The following PAPOLG variants were observed in gnomAD, a reference collection of about 807,000 sequenced individuals.
PAPOLG encodes the protein PAP-gamma.
Under a neutral mutation model 99.0 loss-of-function variants are expected in PAPOLG, and 40 were observed. The observed-to-expected ratio is 0.40, with a 90% CI of 0.31 to 0.53. PAPOLG has a LOEUF of 0.53. Among genes scored for constraint, PAPOLG ranks in the 20% least tolerant of loss-of-function variants. The pLI is 0.41. For missense variants in PAPOLG, 675 were observed against 884.1 expected (o/e 0.76, Z 3.00); for synonymous variants, 310 against 299.3 (o/e 1.04, Z -0.37).
intron 3 of PAPOLG, among the ~76,000 whole-genome samples, chr2:60,764,607 A>G (rs377705279): frequency 6.6e-6 from 1 of 151,214 alleles, no homozygotes; most frequent in Non-Finnish European, 1.5e-5. Flanking sequence ...TGTATTTTTG[A>G]TAGAGACGGG....
rs1671767159 is a variant in PAPOLG at position 60,798,136 on chromosome 2, C to A, written c.*976C>A. ...TTTACCCCACAACTTCAAATAGTTT[C>A]TTCACGGACTAGGCATGCAGAAATA... On this transcript the variant is annotated 3_prime_UTR_variant, in exon 22 of 22. Coordinates refer to ENST00000238714, the MANE Select transcript of PAPOLG (RefSeq NM_022894.4). 6.5e-6 allele frequency: 1 copy of A among 152,748 alleles called. No homozygotes were observed. Among genetic ancestry groups the A allele is most frequent in the Admixed American group, 6.5e-5 (1 of 15,272 alleles). 9.5% of individuals were successfully genotyped at this position (152,748 alleles called of 1,614,324 possible).
intron 7 of PAPOLG, among the ~76,000 whole-genome samples, chr2:60,772,289 A>G (rs1259186826): frequency 1.3e-5 from 2 of 152,146 alleles, no homozygotes; most frequent in Non-Finnish European, 2.9e-5. Context: ...TACCAAAAAT[A>G]AAAAACATTT....
intron 1 of PAPOLG, among the ~76,000 whole-genome samples, chr2:60,757,639 T>G (rs1446789424): frequency 1.3e-5 from 2 of 152,228 alleles, no homozygotes; most frequent in Non-Finnish European, 2.9e-5. Context: ...TTGTATTGTA[T>G]TCTATTGTAG....
In PAPOLG at chr2:60,756,346, C is replaced by T. The variant is rs764291872; in HGVS notation, c.-133C>T. The T allele has an allele frequency of 1.8e-5, 20 of 1,122,850 alleles. No individual in the cohort carries two copies. Among genetic ancestry groups the T allele is most frequent in the Non-Finnish European group, 2.6e-5 (19 of 740,974 alleles). The allele number at this position is 1,122,850 out of a possible 1,614,324, so 69.6% of individuals were successfully genotyped here. A position where few individuals can be genotyped will look rare whatever the true frequency, so the allele number is the denominator to read the frequency against. On this transcript the variant is annotated 5_prime_UTR_variant, in exon 1 of 22. Transcript: ENST00000238714. ...TCACTACTCGGTTGGATGCCTCAGCCATAGTAAGTGGGAAAGTGAGCGAGC... is the reference window on the plus strand; with the variant it reads ...TCACTACTCGGTTGGATGCCTCAGCTATAGTAAGTGGGAAAGTGAGCGAGC...
intron 5 of PAPOLG, among the ~76,000 whole-genome samples, chr2:60,770,119 G>A (rs1183344453): frequency 1.3e-5 from 2 of 152,294 alleles, no homozygotes; most frequent in South Asian, 2.1e-4. Flanking sequence ...GGCTGCAGAC[G>A]ATAGCAGTTT....
chr2:60,791,753 T>C lies in PAPOLG; in HGVS notation c.1397-8T>C. On this transcript the variant is annotated splice_polypyrimidine_tract_variant and splice_region_variant and intron_variant, in intron 15 of 21. Transcript: ENST00000238714. The stretch of plus-strand genomic sequence containing the variant: ...AGTTTCCCATTTAACATATTAACAT[T>C]GTTACAGTGTACAGACAGGCAAACA... 6.3e-7 allele frequency: 1 copy of C among 1,596,138 alleles called. No homozygotes were observed. The highest frequency in any genetic ancestry group is 8.5e-7 in the Non-Finnish European group (1 of 1,175,558).
At chr2:60,756,591 C>A in intron 1 of PAPOLG, 96 bp downstream of exon 1, 1 of 1,302,088 alleles carries the variant, frequency 7.7e-7, no homozygotes, top group Non-Finnish European at 1.0e-6. Context: ...CCCTTGCGCC[C>A]TGCACGCAGC....
rs369141670 is a variant in PAPOLG, at chr2:60,757,626, TTATTG to T, written c.17+1141_17+1145del. ...TTTAGTTGTAATTAATTAATATTAA[TTATTG>T]TATTGTATTCTATTGTAGGAAAACA... On this transcript the variant is annotated intron_variant, in intron 1 of 21. Transcript: ENST00000238714. Among the ~76,000 whole-genome samples, 495 of 152,318 alleles carry T rather than the reference TTATTG, an allele frequency of 3.2e-3. 2 individuals are homozygous for T. The highest frequency in any genetic ancestry group is 0.014 in the Middle Eastern group (4 of 294).
intron 6 of PAPOLG, 115 bp downstream of exon 6, chr2:60,770,626 T>C (rs1670823206): frequency 3.1e-6 from 2 of 641,282 alleles, no homozygotes; most frequent in African/African-American, 1.9e-5. Flanking sequence ...TAATCTCTTT[T>C]TTTTTTTTTA....
chr2:60,764,599 T>C (rs1670618679), intron 3 of PAPOLG, among the ~76,000 whole-genome samples: 1 of 151,788 alleles, frequency 6.6e-6, no homozygotes, highest in African/African-American at 2.4e-5. Context: ...CTAATTTTTG[T>C]ATTTTTGATA....
chr2:60,791,822 T>A lies in PAPOLG; in HGVS notation c.1458T>A (p.His486Gln). Residue 486 changes from histidine (H) to glutamine (Q), a missense_variant, in exon 16 of 22, where the codon CAT becomes CAA. Physicochemically the swap from His to Gln is conservative, Grantham distance 24 (BLOSUM62 0). Coordinates refer to ENST00000238714, the MANE Select transcript of PAPOLG (RefSeq NM_022894.4). ...AGGGAATGAAAATTGAAGCAACTCA[T>A]GTAAAGAAAAAACAACTTCACCACT... ...LKEGMKIEAT[H>Q]VKKKQLHHYL... is the part of the protein sequence containing the mutation. The A allele has an allele frequency of 6.2e-7, 1 of 1,613,840 alleles. No homozygotes were observed. Among genetic ancestry groups the A allele is most frequent in the Non-Finnish European group, 8.5e-7 (1 of 1,179,930 alleles).
intron 9 of PAPOLG, among the ~76,000 whole-genome samples, chr2:60,779,999 T>C (rs1671140121): frequency 6.6e-6 from 1 of 152,246 alleles, no homozygotes; most frequent in Non-Finnish European, 1.5e-5. Flanking sequence ...GCAGTTAAAA[T>C]AAGTTTGGCT....
rs191080746 is a variant in PAPOLG at position 60,791,640 on chromosome 2, G to C, written c.1397-121G>C. 179 of 1,161,312 alleles carry C rather than the reference G, an allele frequency of 1.5e-4. No individual in the cohort carries two copies. In the African/African-American group the frequency reaches 2.4e-3, roughly 15 times the overall value. The allele number at this position is 1,161,312 out of a possible 1,614,324, so 71.9% of individuals were successfully genotyped here. A position where few individuals can be genotyped will look rare whatever the true frequency, so the allele number is the denominator to read the frequency against. ...TATTTGTTTTGTGAGAGGGTTGTGGGTGGGTGGGTGGCCGGTGGTGATAGT... is the reference window on the plus strand; with the variant it reads ...TATTTGTTTTGTGAGAGGGTTGTGGCTGGGTGGGTGGCCGGTGGTGATAGT... On this transcript the variant is annotated intron_variant, in intron 15 of 21. Transcript: ENST00000238714.
intron 3 of PAPOLG, among the ~76,000 whole-genome samples, chr2:60,765,612 T>C (rs1319102568): frequency 6.6e-6 from 1 of 152,204 alleles, no homozygotes; most frequent in African/African-American, 2.4e-5. Context: ...GATTTGAATC[T>C]GTACACAATT....
chr2:60,795,173 T>C (rs1671658751), intron 21 of PAPOLG, 153 bp downstream of exon 21: 1 of 675,240 alleles, frequency 1.5e-6, no homozygotes, highest in African/African-American at 1.8e-5. Flanking sequence ...GGGTTGGAGA[T>C]AGCAAGTATA....
chr2:60,786,730 G>A (rs1369376205), intron 13 of PAPOLG, among the ~76,000 whole-genome samples: 12 of 151,612 alleles, frequency 7.9e-5, no homozygotes, highest in South Asian at 2.1e-4. Flanking sequence ...GGATTTTGCC[G>A]TGTTGGCCAA....
At chr2:60,795,520 A>G (rs1349172284) in intron 21 of PAPOLG, among the ~76,000 whole-genome samples, 1 of 152,154 alleles carries the variant, frequency 6.6e-6, no homozygotes, top group Non-Finnish European at 1.5e-5. Context: ...TACTTTTATA[A>G]CTAAAAATGT....
At chr2:60,757,027 C>T (rs1670367147) in intron 1 of PAPOLG, among the ~76,000 whole-genome samples, 1 of 151,742 alleles carries the variant, frequency 6.6e-6, no homozygotes. Flanking sequence ...ACAACATCTA[C>T]CGGTCTGTAC....
chr2:60,775,462 A>T (rs1323012451), intron 8 of PAPOLG, among the ~76,000 whole-genome samples: 1 of 152,208 alleles, frequency 6.6e-6, no homozygotes, highest in Non-Finnish European at 1.5e-5. Context: ...TCTGGTTTAT[A>T]CTGTAGTAGG....
Sources: allele counts gnomAD v4.1 joint callset (sites outside exome capture counted in the v4.1 genomes callset), GRCh38; gene constraint gnomAD v4.1.1; transcripts MANE v1.5; gene names NCBI Gene and HGNC (gene_info 2026-07-23, HGNC 2026-07-21).